The following SOS2 variants were observed in gnomAD, a reference collection of about 807,000 sequenced individuals.
The protein encoded by SOS2 is son of sevenless homolog 2.
In SOS2, 65 loss-of-function variants were observed where a neutral mutation model predicts 148.2. The observed-to-expected ratio is 0.44, with a 90% confidence interval of 0.36 to 0.54. The LOEUF (loss-of-function observed/expected upper bound fraction) is 0.54, where lower values mean the gene tolerates loss of function less well. SOS2 is among the 20% of genes least tolerant of loss of function. SOS2 has a pLI of 0.00. For synonymous variants in SOS2, 539 were observed against 537.1 expected, an observed-to-expected ratio of 1.00 and a Z score of -0.05; for missense variants, 1,341 against 1,590.2, an observed-to-expected ratio of 0.84 and a Z score of 2.67.
Position 50,172,419 on chromosome 14 carries a change from C to CTTTTTTTTTTTTTTTTT in SOS2, c.1068+2034_1068+2035insAAAAAAAAAAAAAAAAA, listed in dbSNP as rs768766517. On this transcript the variant is annotated intron_variant, in intron 8 of 22. Coordinates refer to ENST00000216373, the MANE Select transcript of SOS2 (RefSeq NM_006939.4). ...ATGGGTAGTTTCTCTTTATTCATTCCTTTTTTTTTTTTTTCTGAGATGGAG... is the reference window on the plus strand; with the variant it reads ...ATGGGTAGTTTCTCTTTATTCATTCCTTTTTTTTTTTTTTTTTTTTTTTTTTTTTTTCTGAGATGGAG... 3.2e-3 allele frequency among the ~76,000 whole-genome samples: 267 copies of CTTTTTTTTTTTTTTTTT among 82,720 alleles called. 37 individuals carry two copies. The highest frequency in any genetic ancestry group is 0.02 in the Middle Eastern group (2 of 100). 54.3% of individuals were successfully genotyped at this position (82,720 alleles called of 152,430 possible). A position where few individuals can be genotyped will look rare whatever the true frequency, so the allele number is the denominator to read the frequency against.
chr14:50,157,314 T>C (rs888296293), intron 11 of SOS2, among the ~76,000 whole-genome samples, 193 bp from the exon 12 acceptor site: 2 of 152,144 alleles, frequency 1.3e-5, no homozygotes, highest in Non-Finnish European at 2.9e-5. Context: ...CTTACTTTTA[T>C]AAAAACTAAA....
At position 50,145,587 on chromosome 14, in the gene SOS2, T is replaced by C. The variant is rs901320697; in HGVS notation, c.2394A>G (p.Gln798=). 17 of 1,591,820 alleles carry C rather than the reference T, an allele frequency of 1.1e-5. No homozygotes were observed. The highest frequency in any genetic ancestry group is 2.2e-5 in the East Asian group (1 of 44,716). Residue 798 remains glutamine, a synonymous_variant, in exon 15 of 23, where the codon CAA becomes CAG. Transcript: ENST00000216373. ...ACACACTCCCTACAAGTTCAGACGG[T>C]TGAACTTTCCTATGGAATTGAAAAT... ...LLESDLYRKV[Q]PSELVGSVWT...
At chr14:50,215,650 C>T (rs1027214188) in intron 1 of SOS2, 3 of 173,326 alleles carry the variant, frequency 1.7e-5, no homozygotes, top group Admixed American at 6.5e-5. Context: ...GGGTGCAGCG[C>T]ACCAGCATGG....
At chr14:50,149,146 C>G (rs537093858) in intron 14 of SOS2, among the ~76,000 whole-genome samples, 21 of 152,312 alleles carry the variant, frequency 1.4e-4, no homozygotes, top group African/African-American at 4.6e-4. Context: ...ATCTGCCCAC[C>G]TTGGCCTCCT....
chr14:50,183,994 T>C (rs560365441), intron 5 of SOS2, among the ~76,000 whole-genome samples: 2 of 152,338 alleles, frequency 1.3e-5, no homozygotes, highest in Non-Finnish European at 2.9e-5. Flanking sequence ...TACAAACCTG[T>C]ACAGCATGTT....
intron 5 of SOS2, among the ~76,000 whole-genome samples, chr14:50,186,989 G>C (rs186249548): frequency 6.6e-6 from 1 of 152,292 alleles, no homozygotes; most frequent in East Asian, 1.9e-4. Context: ...GAAGTTAGGA[G>C]GTACAAGATA....
chr14:50,220,405 CAAAAAAA>C lies in SOS2; in HGVS notation c.87+10785_87+10791del. Reference sequence around the variant, plus strand: ...TGGGCGACAGAGCGAGACTCCATCTCAAAAAAAAAAAAAAAAAGAACAGACCCTGCAT... The same window carrying C: ...TGGGCGACAGAGCGAGACTCCATCTCAAAAAAAAAAGAACAGACCCTGCAT... On this transcript the variant is annotated intron_variant, in intron 1 of 22. Coordinates refer to ENST00000216373, the MANE Select transcript of SOS2 (RefSeq NM_006939.4). Among the ~76,000 whole-genome samples the C allele has an allele frequency of 9.9e-5, 3 of 30,448 alleles. No homozygotes were observed. The East Asian group carries it at 4.2e-3, about 43-fold the overall frequency. The allele number at this position is 30,448 out of a possible 152,430, so 20.0% of individuals were successfully genotyped here.
Position 50,138,647 on chromosome 14 carries a change from G to A in SOS2, c.2923C>T (p.Gln975Ter). Residue 975 changes from glutamine to a stop codon, truncating the protein, a stop_gained, in exon 18 of 23, where the codon CAG becomes TAG. Transcript: ENST00000216373. LOFTEE classifies it high-confidence loss of function. ...GGTTCTATCCGTAAACAGTAAGGCT[G>A]ATTCTGATACTGCTGAATTTCTCCA... Reference protein sequence around the residue: ...ITGEIQQYQNQPYCLRIEPDM... With the variant: ...ITGEIQQYQN 6.3e-7 allele frequency: 1 copy of A among 1,581,530 alleles called. No individual in the cohort carries two copies. The highest frequency in any genetic ancestry group is 8.6e-7 in the Non-Finnish European group (1 of 1,162,172).
At chr14:50,196,033 G>T (rs762478682) in intron 4 of SOS2, among the ~76,000 whole-genome samples, 1 of 151,646 alleles carries the variant, frequency 6.6e-6, no homozygotes, top group African/African-American at 2.4e-5. Context: ...TCTCAAAAAA[G>T]AAAAAAAACA....
chr14:50,120,680 A>T (rs1349222001), intron 21 of SOS2, among the ~76,000 whole-genome samples: 1 of 152,034 alleles, frequency 6.6e-6, no homozygotes, highest in Non-Finnish European at 1.5e-5. Flanking sequence ...ATCAAAACAA[A>T]ACATGTCTAA....
chr14:50,176,483 T>A (rs1228831988), intron 7 of SOS2, among the ~76,000 whole-genome samples: 3 of 152,242 alleles, frequency 2.0e-5, no homozygotes, highest in African/African-American at 7.2e-5. Flanking sequence ...AAATGCCTGA[T>A]AAAGTGCATT....
At chr14:50,138,513 C>T (rs1884159867) in intron 18 of SOS2, 99 bp downstream of exon 18, 3 of 543,218 alleles carry the variant, frequency 5.5e-6, no homozygotes, top group Non-Finnish European at 9.6e-6. Context: ...TGTAGTCACC[C>T]TGTTGTGCGA....
intron 1 of SOS2, chr14:50,230,804 C>A: frequency 1.4e-6 from 1 of 739,714 alleles, no homozygotes; most frequent in Non-Finnish European, 1.7e-6. Context: ...CTAGGGGGAA[C>A]ACTCCCAAAG....
rs143350591 is a variant in SOS2, at chr14:50,174,894, T to C, written c.970-342A>G. ...AATTTTAAAATGTTTTAAATTTAAA[T>C]AGTTACAAAAGATGCATTTCAGGGA... On this transcript the variant is annotated intron_variant, in intron 7 of 22. Transcript: ENST00000216373. Among the ~76,000 whole-genome samples, 794 of 152,338 alleles carry C rather than the reference T, an allele frequency of 5.2e-3. 8 individuals carry two copies. Among genetic ancestry groups the C allele is most frequent in the African/African-American group, 0.018 (735 of 41,582 alleles).
In SOS2 at chr14:50,222,412, G is replaced by C. The variant is rs539230718; in HGVS notation, c.87+8785C>G. Reference sequence around the variant, plus strand: ...GGGGAAGAATGATGACTAGGTTTCTGGCTTGAGAACTGGATACATCATTTA... The same window carrying C: ...GGGGAAGAATGATGACTAGGTTTCTCGCTTGAGAACTGGATACATCATTTA... On this transcript the variant is annotated intron_variant, in intron 1 of 22. Coordinates refer to ENST00000216373, the MANE Select transcript of SOS2 (RefSeq NM_006939.4). Among the ~76,000 whole-genome samples the C allele has an allele frequency of 3.9e-5, 6 of 152,302 alleles. No homozygotes were observed. In the South Asian group the frequency reaches 1.2e-3, roughly 32 times the overall value.
At chr14:50,171,536 T>C (rs1380810947) in intron 8 of SOS2, among the ~76,000 whole-genome samples, 1 of 151,740 alleles carries the variant, frequency 6.6e-6, no homozygotes, top group Non-Finnish European at 1.5e-5. Context: ...ATACAAAAAT[T>C]AGCTGGGCAT....
chr14:50,120,586 G>C (rs1484855612), intron 21 of SOS2, among the ~76,000 whole-genome samples: 1 of 151,970 alleles, frequency 6.6e-6, no homozygotes. Flanking sequence ...TAGTGCCTGG[G>C]GCATGATGGG....
intron 6 of SOS2, among the ~76,000 whole-genome samples, chr14:50,181,021 G>T (rs1001150473): frequency 2.0e-5 from 3 of 151,770 alleles, no homozygotes; most frequent in Non-Finnish European, 4.4e-5. Flanking sequence ...GAAGGGAAAG[G>T]GTGAAGAAAG....
chr14:50,231,154 G>A (rs757349494), intron 1 of SOS2, 43 bp downstream of exon 1: 5 of 1,210,006 alleles, frequency 4.1e-6, no homozygotes, highest in Non-Finnish European at 5.5e-6. Flanking sequence ...GAAGCTCGGG[G>A]GGCCACGGGC....
Sources: gnomAD v4.1 joint callset for allele counts (sites outside exome capture counted in the v4.1 genomes callset) on GRCh38, gnomAD v4.1.1 for gene constraint, MANE v1.5 for transcripts, NCBI Gene and HGNC (gene_info 2026-07-23, HGNC 2026-07-21) for gene names.